ZFHX3: variants seen among roughly 807,000 people sequenced by gnomAD.
ZFHX3 encodes zinc finger homeobox protein 3.
A neutral mutation model predicts 279.1 loss-of-function variants in ZFHX3; 42 were observed. The ratio of observed to expected loss-of-function variants is 0.15; its 90% confidence interval spans 0.12 to 0.19. The LOEUF is 0.19. Ranked by LOEUF, ZFHX3 falls within the 10% of genes least tolerant of loss-of-function variation. The pLI is 1.00. For synonymous variants in ZFHX3, 2,293 were observed against 1,957.8 expected, an observed-to-expected ratio of 1.17 and a Z score of -4.52; for missense variants, 4,981 against 4,754.0, an observed-to-expected ratio of 1.05 and a Z score of -1.40.
At chr16:73,533,217 C>A (rs572936929) in intron 2 of ZFHX3, among the ~76,000 whole-genome samples, 1 of 151,722 alleles carries the variant, frequency 6.6e-6, no homozygotes, top group South Asian at 2.1e-4. Context: ...TCACTTTTTG[C>A]GGAGGGCTTG....
chr16:73,688,103 T>A (rs1423635100), intron 1 of ZFHX3, among the ~76,000 whole-genome samples: 7 of 152,118 alleles, frequency 4.6e-5, no homozygotes, highest in Middle Eastern at 3.4e-3. Flanking sequence ...ATGCCTGTAA[T>A]CCCAGCACTT....
At chr16:73,415,290 TA>T (rs2017549509) in intron 3 of ZFHX3, among the ~76,000 whole-genome samples, 1 of 152,216 alleles carries the variant, frequency 6.6e-6, no homozygotes, top group Non-Finnish European at 1.5e-5. Flanking sequence ...AGAAAATTTT[TA>T]GTCTTGAGGT....
At chr16:72,849,337 G>C (rs777125750) in intron 4 of ZFHX3, among the ~76,000 whole-genome samples, 1 of 152,188 alleles carries the variant, frequency 6.6e-6, no homozygotes, top group Non-Finnish European at 1.5e-5. Context: ...CAGCAGGTAG[G>C]GGGACAAAAG....
chr16:73,834,179 C>T (rs1408235126), intron 1 of ZFHX3, among the ~76,000 whole-genome samples: 1 of 152,164 alleles, frequency 6.6e-6, no homozygotes, highest in Non-Finnish European at 1.5e-5. Context: ...TTCTCTGGTT[C>T]ACTTCCTGTC....
chr16:73,819,801 T>C lies in ZFHX3; in HGVS notation c.-1608+71850A>G, dbSNP rs28375679. The stretch of plus-strand genomic sequence containing the variant: ...ATTCAGAATGTCACCTAGTATAACT[T>C]AGTCCAATGGACTAATGCCAGAGTT... On this transcript the variant is annotated intron_variant, in intron 1 of 17. Transcript: ENST00000641206. Among the ~76,000 whole-genome samples, 847 of 152,278 alleles carry C rather than the reference T, an allele frequency of 5.6e-3. 8 individuals are homozygous for C. The highest frequency in any genetic ancestry group is 0.019 in the African/African-American group (777 of 41,542).
chr16:73,460,813 G>A (rs1002233172), intron 2 of ZFHX3, among the ~76,000 whole-genome samples: 5 of 152,092 alleles, frequency 3.3e-5, no homozygotes, highest in Non-Finnish European at 5.9e-5. Flanking sequence ...ATTTAAAAGT[G>A]AGTGGCACCT....
At chr16:73,036,137 CTCTCTCTCTCTCTG>C (rs1964893622) in intron 1 of ZFHX3, among the ~76,000 whole-genome samples, 1 of 151,468 alleles carries the variant, frequency 6.6e-6, no homozygotes, top group African/African-American at 2.4e-5. Context: ...CATAGACAGA[CTCTCTCTCTCTCTG>C]TCTCTCTCTC....
chr16:73,699,308 T>C (rs74028431), intron 1 of ZFHX3, among the ~76,000 whole-genome samples: 2,826 of 152,280 alleles, frequency 0.019, 94 homozygotes, highest in African/African-American at 0.065. Flanking sequence ...TCTGAAATTA[T>C]TTGAAAATAA....
Position 72,798,506 on chromosome 16 carries a change from C to G in ZFHX3, c.4176G>C (p.Pro1392=). The change falls in exon 9 of 10, where the codon CCG becomes CCC. Residue 1392 remains proline (P), a synonymous_variant. Transcript: ENST00000268489. ...ACTTGTACACATGGCGATCTGACAC[C>G]GGCAGCTGAGGCCTCTTGGCATGCA... ...NEVHAKRPQL[P]VSDRHVYKYR... 2 of 1,614,138 alleles carry G rather than the reference C, an allele frequency of 1.2e-6. No homozygotes were observed. Among genetic ancestry groups the G allele is most frequent in the Middle Eastern group, 1.6e-4 (1 of 6,062 alleles).
At chr16:73,039,701 A>G (rs1965042767) in intron 1 of ZFHX3, among the ~76,000 whole-genome samples, 1 of 151,992 alleles carries the variant, frequency 6.6e-6, no homozygotes, top group African/African-American at 2.4e-5. Context: ...CTCTTTTTTT[A>G]TTTTTTTATT....
chr16:73,624,354 C>G (rs769216767), intron 2 of ZFHX3, among the ~76,000 whole-genome samples: 1 of 151,904 alleles, frequency 6.6e-6, no homozygotes, highest in African/African-American at 2.4e-5. Flanking sequence ...ATTTCATTGC[C>G]GTTATCGTGA....
chr16:73,194,631 G>A (rs979866602), intron 5 of ZFHX3, among the ~76,000 whole-genome samples: 1 of 152,186 alleles, frequency 6.6e-6, no homozygotes, highest in Non-Finnish European at 1.5e-5. Context: ...GAAAGAAAAT[G>A]TATGATATAA....
intron 1 of ZFHX3, among the ~76,000 whole-genome samples, chr16:73,891,461 CG>C (rs2030535757): frequency 6.6e-6 from 1 of 151,914 alleles, no homozygotes; most frequent in East Asian, 1.9e-4. Context: ...CTACCCTCCC[CG>C]ATCCATAAAG....
chr16:73,713,946 A>T (rs141529144), intron 1 of ZFHX3, among the ~76,000 whole-genome samples: 1 of 152,270 alleles, frequency 6.6e-6, no homozygotes, highest in Non-Finnish European at 1.5e-5. Flanking sequence ...AGGCTTTCGC[A>T]TCAGAAGAAT....
At chr16:72,926,357 C>A (rs921485112) in intron 3 of ZFHX3, among the ~76,000 whole-genome samples, 2 of 152,004 alleles carry the variant, frequency 1.3e-5, no homozygotes, top group Admixed American at 6.5e-5. Context: ...TCCCAAGTAA[C>A]AAAAGCCAGA....
intron 5 of ZFHX3, among the ~76,000 whole-genome samples, chr16:73,209,219 T>C (rs1430166099): frequency 6.6e-6 from 1 of 152,196 alleles, no homozygotes; most frequent in Non-Finnish European, 1.5e-5. Flanking sequence ...CATGTTAATA[T>C]AAGTAATATA....
chr16:72,787,054 TTTG>T lies in ZFHX3; in HGVS notation c.*107_*109del. 3.7e-6 allele frequency: 4 copies of T among 1,095,548 alleles called. No homozygotes were observed. The highest frequency in any genetic ancestry group is 3.5e-6 in the Non-Finnish European group (3 of 860,806). 67.9% of individuals were successfully genotyped at this position (1,095,548 alleles called of 1,614,324 possible). A position where few individuals can be genotyped will look rare whatever the true frequency, so the allele number is the denominator to read the frequency against. ...TCTTTTTTTTCTTTTTTTTTTTTTT[TTTG>T]TTTTTTGGTTAGAAGCTTTGGAATT... On this transcript the variant is annotated 3_prime_UTR_variant, in exon 10 of 10. Transcript: ENST00000268489.
chr16:73,754,901 T>TC (rs1439868889), intron 1 of ZFHX3, among the ~76,000 whole-genome samples: 1 of 152,024 alleles, frequency 6.6e-6, no homozygotes, highest in Non-Finnish European at 1.5e-5. Flanking sequence ...AGTTTCCTTT[T>TC]CCCCCCAAAC....
chr16:72,990,140 G>A (rs1963026576), intron 1 of ZFHX3, among the ~76,000 whole-genome samples: 1 of 152,094 alleles, frequency 6.6e-6, no homozygotes, highest in Non-Finnish European at 1.5e-5. Context: ...GTCAAAAGAG[G>A]GACACGCCTC....
Sources: allele counts gnomAD v4.1 joint callset (sites outside exome capture counted in the v4.1 genomes callset), GRCh38; gene constraint gnomAD v4.1.1; transcripts MANE v1.5; gene names NCBI Gene and HGNC (gene_info 2026-07-23, HGNC 2026-07-21).